DOCK10: variants seen among roughly 807,000 people sequenced by gnomAD.
DOCK10 encodes dedicator of cytokinesis 10.
A neutral mutation model predicts 280.1 loss-of-function variants in DOCK10; 145 were observed. The observed-to-expected ratio is 0.52, with a 90% CI of 0.45 to 0.59. DOCK10 has a LOEUF of 0.59. Among genes scored for constraint, DOCK10 ranks in the 20% least tolerant of loss-of-function variants. The pLI is 0.00. For synonymous variants in DOCK10, 915 were observed against 942.2 expected, an observed-to-expected ratio of 0.97 and a Z score of 0.53; for missense variants, 2,368 against 2,651.7, an observed-to-expected ratio of 0.89 and a Z score of 2.35.
intron 47 of DOCK10, among the ~76,000 whole-genome samples, chr2:224,789,507 A>C (rs1691996908): frequency 1.3e-5 from 2 of 152,196 alleles, no homozygotes; most frequent in Non-Finnish European, 2.9e-5. Context: ...GGACATTAAT[A>C]TCTCTCTCAA....
At chr2:224,823,112 C>T (rs1694611135) in intron 28 of DOCK10, among the ~76,000 whole-genome samples, 2 of 151,394 alleles carry the variant, frequency 1.3e-5, no homozygotes, top group Admixed American at 1.3e-4. Context: ...CTCAGCCTCC[C>T]AAATAGCTAG....
At chr2:224,932,103 T>C (rs1273621304) in intron 1 of DOCK10, among the ~76,000 whole-genome samples, 3 of 152,204 alleles carry the variant, frequency 2.0e-5, no homozygotes, top group Admixed American at 2.0e-4. Context: ...GTTGGCACCT[T>C]GTTAGCAATG....
At chr2:224,964,101 C>A (rs1028798047) in intron 1 of DOCK10, among the ~76,000 whole-genome samples, 2 of 149,768 alleles carry the variant, frequency 1.3e-5, no homozygotes, top group East Asian at 3.9e-4. Context: ...ATACAGGATG[C>A]GGAGGGTGTT....
At chr2:224,768,867 CAT>C (rs932760861) in intron 55 of DOCK10, 4 of 456,222 alleles carry the variant, frequency 8.8e-6, no homozygotes, top group African/African-American at 8.0e-5. Flanking sequence ...GAAAGAAAAA[CAT>C]ACCACTTTTG....
intron 1 of DOCK10, among the ~76,000 whole-genome samples, chr2:225,035,032 A>T (rs1690183810): frequency 6.6e-6 from 1 of 152,194 alleles, no homozygotes; most frequent in African/African-American, 2.4e-5. Flanking sequence ...TGGGAAATTC[A>T]AGAGCCCAAT....
intron 1 of DOCK10, among the ~76,000 whole-genome samples, chr2:225,039,698 C>CTG (rs1690363865): frequency 6.6e-6 from 1 of 152,080 alleles, no homozygotes; most frequent in African/African-American, 2.4e-5. Context: ...CTCTCTCTCT[C>CTG]TCTCTCTCTC....
At chr2:224,956,327 T>C (rs938441906) in intron 1 of DOCK10, among the ~76,000 whole-genome samples, 4 of 152,152 alleles carry the variant, frequency 2.6e-5, no homozygotes, top group Admixed American at 2.6e-4. Context: ...TCTGGCTTTA[T>C]AAAGACCATC....
chr2:225,035,572 ATATATATATATAT>A (rs1690227699), intron 1 of DOCK10, among the ~76,000 whole-genome samples: 19 of 69,960 alleles, frequency 2.7e-4, no homozygotes, highest in African/African-American at 9.5e-4. Context: ...ATATATATAT[ATATATATATATAT>A]ATAACACTGA....
At chr2:225,002,898 C>T (rs1706477384) in intron 1 of DOCK10, among the ~76,000 whole-genome samples, 1 of 152,142 alleles carries the variant, frequency 6.6e-6, no homozygotes, top group Non-Finnish European at 1.5e-5. Context: ...GTTGGTCGCT[C>T]AACACTGCAG....
intron 1 of DOCK10, among the ~76,000 whole-genome samples, chr2:225,026,544 C>T (rs1287863138): frequency 6.6e-6 from 1 of 152,064 alleles, no homozygotes; most frequent in Non-Finnish European, 1.5e-5. Context: ...TGTGGAGTGG[C>T]CAGGGGTGGA....
intron 29 of DOCK10, among the ~76,000 whole-genome samples, chr2:224,817,619 A>G (rs1694214206): frequency 6.6e-6 from 1 of 152,222 alleles, no homozygotes; most frequent in South Asian, 2.1e-4. Flanking sequence ...CATTGAGAAC[A>G]TTCTGTTTGG....
At chr2:224,803,090 G>A (rs1373297817) in intron 39 of DOCK10, among the ~76,000 whole-genome samples, 1 of 152,084 alleles carries the variant, frequency 6.6e-6, no homozygotes, top group African/African-American at 2.4e-5. Flanking sequence ...TGAACTTGTG[G>A]AGGAAAAGCC....
intron 3 of DOCK10, among the ~76,000 whole-genome samples, chr2:224,908,674 T>C (rs376356871): frequency 6.6e-6 from 1 of 152,140 alleles, no homozygotes; most frequent in African/African-American, 2.4e-5. Flanking sequence ...TTAAAAAGTT[T>C]TTTTTAGAGA....
At chr2:224,993,052 G>A (rs1340045271) in intron 1 of DOCK10, among the ~76,000 whole-genome samples, 1 of 152,132 alleles carries the variant, frequency 6.6e-6, no homozygotes, top group Non-Finnish European at 1.5e-5. Flanking sequence ...TGAGGTGTAA[G>A]AGGAAAGAAC....
At position 225,019,645 on chromosome 2, in the gene DOCK10, G is replaced by T. The variant is rs543685238; in HGVS notation, c.123+22607C>A. Among the ~76,000 whole-genome samples the T allele has an allele frequency of 1.4e-4, 22 of 152,168 alleles. No homozygotes were observed. In the South Asian group the frequency reaches 4.4e-3, roughly 30 times the overall value. On this transcript the variant is annotated intron_variant, in intron 1 of 55. Transcript: ENST00000258390. ...GCAGTGGTCTGCTCCTCATTTCTCT[G>T]ATGGCAAATCTTTCATTCTGAAGCA...
intron 1 of DOCK10, among the ~76,000 whole-genome samples, chr2:225,015,836 T>G (rs1689575596): frequency 6.6e-6 from 1 of 152,232 alleles, no homozygotes; most frequent in Non-Finnish European, 1.5e-5. Flanking sequence ...AATTTCTTTT[T>G]AAAGATTGTA....
chr2:224,850,420 C>A (rs1261538679), intron 18 of DOCK10, among the ~76,000 whole-genome samples: 2 of 152,040 alleles, frequency 1.3e-5, no homozygotes, highest in African/African-American at 4.8e-5. Flanking sequence ...AATAAAAGGC[C>A]ATAACTCTTC....
chr2:224,805,285 A>C lies in DOCK10; in HGVS notation c.3972T>G (p.Leu1324=), dbSNP rs769741485. The C allele has an allele frequency of 2.5e-6, 4 of 1,613,156 alleles. No homozygotes were observed. The highest frequency in any genetic ancestry group is 1.7e-5 in the Admixed American group (1 of 59,924). ...CTGCTTGATCTAACTTGTCAAATCG[A>C]AGAGTTGAGCCAATCAAAGACAAGG... ...PRPLSLIGST[L]RFDKLDQAET... Residue 1324 remains leucine (L), a synonymous_variant, in exon 36 of 56, where the codon CTT becomes CTG. Coordinates refer to ENST00000258390, the MANE Select transcript of DOCK10 (RefSeq NM_014689.3). The surrounding 1 kb of genome is among the most constrained non-coding windows in gnomAD (Gnocchi z 4.3).
At chr2:224,884,011 G>A (rs530117486) in intron 7 of DOCK10, among the ~76,000 whole-genome samples, 2 of 152,194 alleles carry the variant, frequency 1.3e-5, no homozygotes, top group South Asian at 2.1e-4. Flanking sequence ...TACTGCTAAC[G>A]TTTTACTTCA....
Sources: gnomAD v4.1 joint callset for allele counts (sites outside exome capture counted in the v4.1 genomes callset) on GRCh38, gnomAD v4.1.1 for gene constraint, Gnocchi (gnomAD v3.1) non-coding constraint, MANE v1.5 for transcripts, NCBI Gene and HGNC (gene_info 2026-07-23, HGNC 2026-07-21) for gene names.